Variants in HDAC4 observed in about 807,000 individuals in gnomAD.
The protein encoded by HDAC4 is histone deacetylase A.
Under a neutral mutation model 135.1 loss-of-function variants are expected in HDAC4, and 16 were observed. The ratio of observed to expected loss-of-function variants is 0.12; its 90% CI spans 0.08 to 0.18. The LOEUF is 0.18. Ranked by LOEUF, HDAC4 falls within the 10% of genes least tolerant of loss-of-function variation. HDAC4 has a pLI of 1.00. For missense variants in HDAC4, 1,143 were observed against 1,511.8 expected (o/e 0.76, Z 4.05); for synonymous variants, 685 against 653.4 (o/e 1.05, Z -0.74).
intron 2 of HDAC4, among the ~76,000 whole-genome samples, chr2:239,311,670 G>A (rs758791725): frequency 9.2e-5 from 14 of 152,144 alleles, no homozygotes; most frequent in South Asian, 6.2e-4. Flanking sequence ...AGGGGACTCC[G>A]TTTCTCACAA....
chr2:239,263,317 G>T (rs1184634365), intron 2 of HDAC4, among the ~76,000 whole-genome samples: 1 of 125,240 alleles, frequency 8.0e-6, no homozygotes, highest in Non-Finnish European at 1.6e-5. Flanking sequence ...CCCACCCTGA[G>T]GACCCCCGCC....
chr2:239,163,753 C>T (rs749355118), intron 6 of HDAC4, 50 bp downstream of exon 6: 11 of 1,598,706 alleles, frequency 6.9e-6, no homozygotes, highest in Non-Finnish European at 9.4e-6. Context: ...TCAGACAGTC[C>T]TCTGGGCCCC....
At chr2:239,134,505 G>A (rs550579581) in intron 10 of HDAC4, 22 bp downstream of exon 10, 28 of 1,613,118 alleles carry the variant, frequency 1.7e-5, no homozygotes, top group Middle Eastern at 1.7e-4. Flanking sequence ...CACACCACAC[G>A]GACCCACGGG....
chr2:239,197,079 T>C (rs2045439014), intron 3 of HDAC4, among the ~76,000 whole-genome samples: 1 of 152,176 alleles, frequency 6.6e-6, no homozygotes, highest in African/African-American at 2.4e-5. Flanking sequence ...CCAGCCATCG[T>C]CTTCCTTGGT....
At chr2:239,120,189 A>G (rs2039513474) in intron 12 of HDAC4, among the ~76,000 whole-genome samples, 1 of 152,010 alleles carries the variant, frequency 6.6e-6, no homozygotes, top group East Asian at 1.9e-4. Flanking sequence ...GGGATTTGGG[A>G]GACAGATCAG....
chr2:239,296,664 C>A (rs1177961985), intron 2 of HDAC4, among the ~76,000 whole-genome samples: 2 of 152,080 alleles, frequency 1.3e-5, no homozygotes, highest in Non-Finnish European at 2.9e-5. Flanking sequence ...AAATAACAAA[C>A]CGAGGCAGCA....
At chr2:239,185,089 G>A (rs1458682674) in intron 4 of HDAC4, among the ~76,000 whole-genome samples, 6 of 105,218 alleles carry the variant, frequency 5.7e-5, no homozygotes, top group Non-Finnish European at 1.3e-4. Context: ...TGGGTCCCTC[G>A]GTGACTACCC....
At position 239,082,105 on chromosome 2, in the gene HDAC4, A is replaced by T. The variant is rs757592329; in HGVS notation, c.2649T>A (p.Asp883Glu). The T allele has an allele frequency of 6.2e-7, 1 of 1,613,152 alleles. No homozygotes were observed. The highest frequency in any genetic ancestry group is 8.5e-7 in the Non-Finnish European group (1 of 1,179,694). Residue 883 changes from aspartate to glutamate, a missense_variant, in exon 21 of 27, where the codon GAT (aspartate) becomes GAA (glutamate). By Grantham distance (45) the Asp-to-Glu change is conservative. This residue lies in a region of HDAC4 where 189 missense variants were observed against 317.6 expected (regional missense o/e 0.60). Transcript: ENST00000543185. ...GNFFPGSGAP[D>E]EVGTGPGVGF... Reference sequence around the variant, plus strand: ...GGCCCTTATATACCCCACCTACCTCATCAGGAGCCCCGCTGCCTGGGAAGA... The same window carrying T: ...GGCCCTTATATACCCCACCTACCTCTTCAGGAGCCCCGCTGCCTGGGAAGA...
intron 1 of HDAC4, among the ~76,000 whole-genome samples, chr2:239,397,778 G>T (rs779854268): frequency 2.0e-5 from 3 of 151,964 alleles, no homozygotes; most frequent in Non-Finnish European, 4.4e-5. Context: ...GCTTATGAAT[G>T]AGTTAAGGTC....
At chr2:239,104,950 G>A (rs1350295220) in intron 15 of HDAC4, among the ~76,000 whole-genome samples, 1 of 152,252 alleles carries the variant, frequency 6.6e-6, no homozygotes, top group African/African-American at 2.4e-5. Context: ...CTGCGACACC[G>A]CGACGGCTGG....
At chr2:239,155,693 AG>A (rs1428860066) in intron 7 of HDAC4, 5 of 152,404 alleles carry the variant, frequency 3.3e-5, no homozygotes, top group African/African-American at 1.2e-4. Context: ...GTTTCCGCCC[AG>A]AACTGGCCAA....
chr2:239,375,639 G>C (rs933020276), intron 1 of HDAC4, among the ~76,000 whole-genome samples: 1 of 152,244 alleles, frequency 6.6e-6, no homozygotes, highest in African/African-American at 2.4e-5. Context: ...GACTGCAGGA[G>C]AGGGTCCTGC....
intron 3 of HDAC4, among the ~76,000 whole-genome samples, chr2:239,197,190 CACG>C (rs2045448097): frequency 6.6e-6 from 1 of 152,196 alleles, no homozygotes; most frequent in African/African-American, 2.4e-5. Context: ...TTCTCCCCTT[CACG>C]CGTCCTGACT....
At chr2:239,077,368 CCCA>C (rs1224926781) in intron 22 of HDAC4, among the ~76,000 whole-genome samples, 8 of 152,356 alleles carry the variant, frequency 5.3e-5, no homozygotes, top group South Asian at 4.1e-4. Context: ...CTTCCTTGGC[CCCA>C]CCAAGTGGGC....
At chr2:239,261,056 G>C (rs1199436344) in intron 2 of HDAC4, among the ~76,000 whole-genome samples, 2 of 152,210 alleles carry the variant, frequency 1.3e-5, no homozygotes, top group Non-Finnish European at 2.9e-5. Context: ...TAAGGTTTCA[G>C]GTGGACGTTC....
At chr2:239,250,078 C>T (rs1212778612) in intron 2 of HDAC4, among the ~76,000 whole-genome samples, 2 of 152,270 alleles carry the variant, frequency 1.3e-5, no homozygotes, top group East Asian at 1.9e-4. Context: ...ATGGCCACCG[C>T]GGCCTCTCCC....
chr2:239,375,588 G>A (rs1205644214), intron 1 of HDAC4, among the ~76,000 whole-genome samples: 3 of 152,342 alleles, frequency 2.0e-5, no homozygotes, highest in East Asian at 1.9e-4. Context: ...CCTGGCACAC[G>A]GACACCACGG....
Position 239,053,492 on chromosome 2 carries a change from C to G in HDAC4, c.3198G>C (p.Ser1066=), listed in dbSNP as rs752090163. 1.9e-6 allele frequency: 3 copies of G among 1,613,554 alleles called. No homozygotes were observed. In the South Asian group the frequency reaches 3.3e-5, roughly 18 times the overall value. The change falls in exon 26 of 27, where the codon TCG becomes TCC. Residue 1066 remains serine (S), a synonymous_variant. Coordinates refer to ENST00000543185, the MANE Select transcript of HDAC4 (RefSeq NM_001378414.1). ...EEAETVTAMA[S]LSVGVKPAEK... is the part of the protein sequence containing the mutation. ...CGGCGGGCTTCACGCCCACGGACAG[C>G]GAGGCCATGGCGGTGACCGTCTCGG...
intron 3 of HDAC4, among the ~76,000 whole-genome samples, chr2:239,233,767 G>A (rs1317494778): frequency 1.3e-5 from 2 of 152,180 alleles, no homozygotes; most frequent in African/African-American, 4.8e-5. Context: ...CTGCCCGGGC[G>A]CCCTTCCTGC....
Sources: allele counts gnomAD v4.1 joint callset (sites outside exome capture counted in the v4.1 genomes callset), GRCh38; gene constraint gnomAD v4.1.1; regional missense constraint gnomAD v4.1.1; transcripts MANE v1.5; gene names NCBI Gene and HGNC (gene_info 2026-07-23, HGNC 2026-07-21).